The following N4BP2L2 variants were observed in gnomAD, a reference collection of about 807,000 sequenced individuals.
N4BP2L2 encodes NEDD4 binding protein 2 like 2.
A neutral mutation model predicts 56.2 loss-of-function variants in N4BP2L2; 50 were observed. That is an observed-to-expected ratio of 0.89 (90% CI 0.71 to 1.13). N4BP2L2 has a LOEUF of 1.13. Among genes scored for constraint, N4BP2L2 ranks in the 50% most tolerant of loss-of-function variants. The pLI is 0.00. For missense variants in N4BP2L2, 689 were observed against 693.8 expected, an observed-to-expected ratio of 0.99 and a Z score of 0.08; for synonymous variants, 203 against 223.6, an observed-to-expected ratio of 0.91 and a Z score of 0.82.
intron 6 of N4BP2L2, among the ~76,000 whole-genome samples, chr13:32,496,500 CT>C (rs1174374731): frequency 6.6e-6 from 1 of 152,176 alleles, no homozygotes; most frequent in Non-Finnish European, 1.5e-5. Context: ...CTCCAGGGTA[CT>C]TCAGCATTCC....
intron 1 of N4BP2L2, among the ~76,000 whole-genome samples, chr13:32,537,323 A>G (rs1019573124): frequency 6.6e-6 from 1 of 152,008 alleles, no homozygotes; most frequent in African/African-American, 2.4e-5. Context: ...TAGAAGACCT[A>G]AAAGATTTAA....
At chr13:32,462,735 T>C (rs1230552505) in intron 6 of N4BP2L2, among the ~76,000 whole-genome samples, 1 of 151,682 alleles carries the variant, frequency 6.6e-6, no homozygotes, top group Admixed American at 6.6e-5. Flanking sequence ...CATTAAAATG[T>C]ACAAATATTG....
exon 2 of N4BP2L2, chr13:32,536,030 T>C: frequency 6.2e-7 from 1 of 1,614,038 alleles, no homozygotes; most frequent in Non-Finnish European, 8.5e-7. Context: ...TTCATTGTTC[T>C]GATCAAAAGT....
At chr13:32,481,648 CAT>C (rs879270506) in intron 6 of N4BP2L2, among the ~76,000 whole-genome samples, 21 of 152,036 alleles carry the variant, frequency 1.4e-4, no homozygotes, top group Admixed American at 4.6e-4. Flanking sequence ...GAAAGTAGTC[CAT>C]GATTCAAAAA....
chr13:32,435,256 T>TGG (rs2075338682), intron 9 of N4BP2L2, among the ~76,000 whole-genome samples: 1 of 151,984 alleles, frequency 6.6e-6, no homozygotes, highest in Non-Finnish European at 1.5e-5. Flanking sequence ...TTTTTTGAGG[T>TGG]GGGGTCTCGC....
At chr13:32,434,452 G>A (rs191004315) in intron 9 of N4BP2L2, among the ~76,000 whole-genome samples, 1 of 152,068 alleles carries the variant, frequency 6.6e-6, no homozygotes, top group African/African-American at 2.4e-5. Context: ...TCATTTAAAA[G>A]ATAAAAATTT....
At chr13:32,494,983 T>C (rs1208177149) in intron 6 of N4BP2L2, among the ~76,000 whole-genome samples, 1 of 152,114 alleles carries the variant, frequency 6.6e-6, no homozygotes, top group Non-Finnish European at 1.5e-5. Context: ...TAATTCAACA[T>C]GTACAAGTGA....
At chr13:32,514,310 T>C (rs1441008457) in exon 6 of N4BP2L2, 1 of 152,076 alleles carries the variant, frequency 6.6e-6, no homozygotes, top group Non-Finnish European at 1.5e-5. Context: ...ACATAAAAAA[T>C]CATAAATTCA....
chr13:32,495,691 CT>C (rs994016939), intron 6 of N4BP2L2, among the ~76,000 whole-genome samples: 71 of 146,954 alleles, frequency 4.8e-4, no homozygotes, highest in Admixed American at 4.8e-4. Flanking sequence ...CCCGCTGCCT[CT>C]TTTTTTTTTT....
At chr13:32,538,745 C>G (rs2057266806) in exon 1 of N4BP2L2, 1 of 985,324 alleles carries the variant, frequency 1.0e-6, no homozygotes, top group South Asian at 4.7e-5. Context: ...GGACTAAAAG[C>G]CCACCTCTCA....
At chr13:32,484,778 C>G (rs1419978470) in intron 6 of N4BP2L2, among the ~76,000 whole-genome samples, 1 of 152,216 alleles carries the variant, frequency 6.6e-6, no homozygotes, top group South Asian at 2.1e-4. Context: ...AGCCACCATG[C>G]CCGGCTGTAA....
At chr13:32,502,261 G>A (rs569892504) in intron 6 of N4BP2L2, among the ~76,000 whole-genome samples, 5 of 151,998 alleles carry the variant, frequency 3.3e-5, no homozygotes, top group African/African-American at 1.2e-4. Context: ...ATTTTTGGTA[G>A]AGACGGGGTT....
At chr13:32,475,735 CT>C (rs1032477243) in intron 6 of N4BP2L2, among the ~76,000 whole-genome samples, 5 of 152,174 alleles carry the variant, frequency 3.3e-5, no homozygotes, top group African/African-American at 1.2e-4. Flanking sequence ...TTTGGGGCTG[CT>C]TTTCATTAAA....
chr13:32,509,517 T>C (rs1402979421), downstream of N4BP2L2: 5 of 152,214 alleles, frequency 3.3e-5, no homozygotes, highest in Non-Finnish European at 5.9e-5. Context: ...AAACAGTTAC[T>C]GATTCTTAGT....
chr13:32,515,139 CAAA>C (rs1254827188), exon 6 of N4BP2L2: 3 of 117,898 alleles, frequency 2.5e-5, no homozygotes, highest in Non-Finnish European at 1.8e-5. Context: ...GACTCTGTCT[CAAA>C]AAAAAAAAAA....
chr13:32,476,763 C>A (rs2083406509), intron 6 of N4BP2L2, among the ~76,000 whole-genome samples: 1 of 152,086 alleles, frequency 6.6e-6, no homozygotes, highest in Non-Finnish European at 1.5e-5. Context: ...TGTAAAATAA[C>A]CACATTCACT....
chr13:32,496,531 C>G (rs1413337165), intron 6 of N4BP2L2, among the ~76,000 whole-genome samples: 1 of 152,186 alleles, frequency 6.6e-6, no homozygotes, highest in Non-Finnish European at 1.5e-5. Flanking sequence ...AACATGATTT[C>G]TCTTTTCCTC....
chr13:32,442,880 G>C, exon 7 of N4BP2L2: 2 of 1,613,110 alleles, frequency 1.2e-6, no homozygotes, highest in South Asian at 1.1e-5. Context: ...AATGGATGAT[G>C]ATCAAAGGTC....
At chr13:32,460,504 C>T (rs994492171) in intron 6 of N4BP2L2, among the ~76,000 whole-genome samples, 1 of 151,936 alleles carries the variant, frequency 6.6e-6, no homozygotes, top group Non-Finnish European at 1.5e-5. Context: ...TTGCTATATA[C>T]AACAGTGGAA....
Sources: gnomAD v4.1 joint callset for allele counts (sites outside exome capture counted in the v4.1 genomes callset) on GRCh38, gnomAD v4.1.1 for gene constraint, MANE v1.5 for transcripts, NCBI Gene and HGNC (gene_info 2026-07-23, HGNC 2026-07-21) for gene names.